The following ADGB variants were observed in gnomAD, a reference collection of about 807,000 sequenced individuals.
The protein encoded by ADGB is androglobin, also known as calpain-7-like protein.
ADGB carries 172 observed loss-of-function variants against 210.5 expected under a neutral mutation model. That is an observed-to-expected ratio of 0.82 (90% CI 0.72 to 0.93). The LOEUF (loss-of-function observed/expected upper bound fraction) is 0.93. Ranked by LOEUF, ADGB falls within the 40% of genes least tolerant of loss-of-function variation. The pLI is 0.00. For synonymous variants in ADGB, 658 were observed against 662.7 expected (o/e 0.99, Z 0.11); for missense variants, 2,025 against 1,964.8 (o/e 1.03, Z -0.58).
Position 146,692,918 on chromosome 6 carries a change from A to T in ADGB, c.1577+3A>T. On this transcript the variant is annotated splice_donor_region_variant and intron_variant, in intron 12 of 35. Transcript: ENST00000397944. The stretch of plus-strand genomic sequence containing the variant: ...CCATTTACAATTCCAACAGAAATGT[A>T]AGTATTAACATTCTTCCTCACAAAT... The T allele has an allele frequency of 7.0e-7, 1 of 1,425,708 alleles. No homozygotes were observed. The highest frequency in any genetic ancestry group is 9.6e-7 in the Non-Finnish European group (1 of 1,039,548). 88.3% of individuals were successfully genotyped at this position (1,425,708 alleles called of 1,614,324 possible). A position where few individuals can be genotyped will look rare whatever the true frequency, so the allele number is the denominator to read the frequency against.
intron 21 of ADGB, 134 bp from the exon 22 acceptor site, chr6:146,733,759 C>A: frequency 2.1e-6 from 2 of 965,924 alleles, no homozygotes; most frequent in Non-Finnish European, 3.1e-6. Flanking sequence ...CTAGAGCCGG[C>A]AATATTAAAT....
intron 1 of ADGB, among the ~76,000 whole-genome samples, chr6:146,602,129 T>C (rs1780565218): frequency 6.6e-6 from 1 of 152,172 alleles, no homozygotes; most frequent in African/African-American, 2.4e-5. Flanking sequence ...ATTTCCTAGT[T>C]CTCTGTATCT....
intron 26 of ADGB, among the ~76,000 whole-genome samples, chr6:146,751,492 AC>A (rs1562292166): frequency 6.6e-6 from 1 of 152,018 alleles, no homozygotes; most frequent in African/African-American, 2.4e-5. Context: ...CTGGGTATAT[AC>A]CCAGTAATGG....
intron 27 of ADGB, among the ~76,000 whole-genome samples, chr6:146,761,414 T>C (rs934464021): frequency 1.3e-5 from 2 of 152,094 alleles, no homozygotes; most frequent in Non-Finnish European, 1.5e-5. Context: ...TGTATAGGTC[T>C]ACTTTTGGAC....
chr6:146,604,568 CA>C (rs890765843), intron 1 of ADGB, among the ~76,000 whole-genome samples: 121 of 137,980 alleles, frequency 8.8e-4, no homozygotes, highest in East Asian at 1.7e-3. Flanking sequence ...TTAAAAATGA[CA>C]AAAAAAAAAA....
Position 146,788,434 on chromosome 6 carries a change from C to A in ADGB, c.4361C>A (p.Ser1454Tyr). The change falls in exon 33 of 36, where the codon TCT becomes TAT. Residue 1454 changes from serine to tyrosine, a missense_variant. Coordinates refer to ENST00000397944, the MANE Select transcript of ADGB (RefSeq NM_024694.4). ...GTAAAAGAACCAAACTCAAAGAATT[C>A]TGCAGGTTCAGAGAGCAAAGAGATG... is the stretch of plus-strand genomic sequence containing the variant. ...RGVKEPNSKN[S>Y]AGSESKEMTQ... The A allele has an allele frequency of 6.4e-7, 1 of 1,551,558 alleles. No homozygotes were observed.
intron 1 of ADGB, among the ~76,000 whole-genome samples, chr6:146,612,100 C>A (rs1780720933): frequency 6.6e-6 from 1 of 152,116 alleles, no homozygotes; most frequent in South Asian, 2.1e-4. Context: ...TAAGGCACTG[C>A]AGCCCAATCT....
chr6:146,632,420 T>C (rs1424458628), intron 1 of ADGB, among the ~76,000 whole-genome samples: 1 of 152,160 alleles, frequency 6.6e-6, no homozygotes, highest in Non-Finnish European at 1.5e-5. Flanking sequence ...TCCAGGATAA[T>C]CTCCCCATCT....
intron 29 of ADGB, among the ~76,000 whole-genome samples, chr6:146,780,198 C>A (rs1279850309): frequency 6.6e-6 from 1 of 151,638 alleles, no homozygotes; most frequent in African/African-American, 2.4e-5. Flanking sequence ...TAATTATAAT[C>A]CCCAAGCAAC....
At chr6:146,722,838 T>C (rs1257557830) in intron 17 of ADGB, among the ~76,000 whole-genome samples, 1 of 152,190 alleles carries the variant, frequency 6.6e-6, no homozygotes, top group African/African-American at 2.4e-5. Flanking sequence ...TCTGTTCTAA[T>C]GGATAGACAA....
chr6:146,762,448 C>T (rs1219585596), intron 27 of ADGB, among the ~76,000 whole-genome samples: 2 of 152,120 alleles, frequency 1.3e-5, no homozygotes, highest in African/African-American at 4.8e-5. Context: ...TCCTTAAGCA[C>T]ATTTTAAATA....
Position 146,616,616 on chromosome 6 carries a change from G to A in ADGB, c.74+17502G>A, listed in dbSNP as rs1488084799. On this transcript the variant is annotated intron_variant, in intron 1 of 35. Coordinates refer to ENST00000397944, the MANE Select transcript of ADGB (RefSeq NM_024694.4). ...GACTTGATCTTTGCATATGGTGAAA[G>A]GTGGGGGTCTAGTTTCATTTTTATG... is the stretch of plus-strand genomic sequence containing the variant. Among the ~76,000 whole-genome samples the A allele has an allele frequency of 2.0e-5, 3 of 152,184 alleles. No homozygotes were observed. In the East Asian group the frequency reaches 5.8e-4, roughly 29 times the overall value.
At chr6:146,807,266 C>G (rs1408475177) in intron 35 of ADGB, 1 of 843,744 alleles carries the variant, frequency 1.2e-6, no homozygotes, top group East Asian at 2.8e-5. Flanking sequence ...AGACCATACA[C>G]TAATTTTCAT....
chr6:146,632,737 C>A (rs1781082499), intron 1 of ADGB, among the ~76,000 whole-genome samples: 1 of 152,110 alleles, frequency 6.6e-6, no homozygotes, highest in Non-Finnish European at 1.5e-5. Context: ...ACATTTCTGC[C>A]TTTTGCCCTA....
At chr6:146,715,489 G>T in intron 14 of ADGB, 74 bp downstream of exon 14, 1 of 1,051,780 alleles carries the variant, frequency 9.5e-7, no homozygotes, top group Non-Finnish European at 1.3e-6. Flanking sequence ...CTTCTTGACA[G>T]CTTCCCTTCT....
At chr6:146,662,564 A>C (rs986123459) in intron 5 of ADGB, among the ~76,000 whole-genome samples, 4 of 151,976 alleles carry the variant, frequency 2.6e-5, no homozygotes, top group African/African-American at 9.7e-5. Context: ...TTTTGTGAGA[A>C]TTGCTGTAAA....
At chr6:146,747,451 G>A (rs1036694594) in intron 26 of ADGB, among the ~76,000 whole-genome samples, 4 of 152,146 alleles carry the variant, frequency 2.6e-5, no homozygotes, top group African/African-American at 9.7e-5. Context: ...CAAGCTGAGT[G>A]GTGAGGAAGG....
intron 35 of ADGB, chr6:146,807,668 A>G (rs1437412762): frequency 1.8e-6 from 2 of 1,086,534 alleles, no homozygotes; most frequent in Non-Finnish European, 2.6e-6. Context: ...CTGATAAGAT[A>G]TTGGGCCAAC....
At chr6:146,775,545 G>A (rs1777709865) in intron 29 of ADGB, among the ~76,000 whole-genome samples, 1 of 152,134 alleles carries the variant, frequency 6.6e-6, no homozygotes, top group African/African-American at 2.4e-5. Context: ...TACTGGTGTT[G>A]TGATTTTAAA....
Sources: gnomAD v4.1 joint callset for allele counts (sites outside exome capture counted in the v4.1 genomes callset) on GRCh38, gnomAD v4.1.1 for gene constraint, MANE v1.5 for transcripts, NCBI Gene and HGNC (gene_info 2026-07-23, HGNC 2026-07-21) for gene names.